Variants in SCN1A observed in about 807,000 individuals in gnomAD.
SCN1A encodes the protein sodium channel protein type 1 subunit alpha.
A neutral mutation model predicts 193.7 loss-of-function variants in SCN1A; 13 were observed. The observed-to-expected ratio is 0.07, with a 90% CI of 0.04 to 0.11. SCN1A has a LOEUF of 0.11. Among genes scored for constraint, SCN1A ranks in the 10% least tolerant of loss-of-function variants. The pLI, the probability that SCN1A is intolerant of heterozygous loss-of-function variation, is 1.00. For synonymous variants in SCN1A, 781 were observed against 843.6 expected (o/e 0.93, Z 1.29); for missense variants, 1,432 against 2,451.1 (o/e 0.58, Z 8.78).
intron 19 of SCN1A, among the ~76,000 whole-genome samples, chr2:166,028,223 G>T (rs537705786): frequency 2.2e-4 from 33 of 152,140 alleles, no homozygotes; most frequent in Middle Eastern, 6.8e-3. Flanking sequence ...GACATATTGA[G>T]TCAATAGAAA....
chr2:166,024,022 C>A (rs185398148), intron 19 of SCN1A, among the ~76,000 whole-genome samples: 369 of 152,200 alleles, frequency 2.4e-3, no homozygotes, highest in Non-Finnish European at 2.9e-3. Flanking sequence ...GGTGATCCAC[C>A]TACCTCAGCC....
intron 9 of SCN1A, among the ~76,000 whole-genome samples, chr2:166,050,123 TAAAC>T (rs1698358340): frequency 1.3e-5 from 2 of 151,942 alleles, no homozygotes; most frequent in African/African-American, 4.8e-5. Context: ...CAATTAAAAT[TAAAC>T]AAAGAGAAAG....
rs536739159 is a variant in SCN1A at position 166,010,800 on chromosome 2, G to C, written c.3880-959C>G. Among the ~76,000 whole-genome samples the C allele has an allele frequency of 4.0e-5, 6 of 150,792 alleles. No homozygotes were observed. The South Asian group carries it at 6.2e-4, about 16-fold the overall frequency. ...TAGTCCTTTTATAGAGTGCTATACT[G>C]ATCTTCATTAAAGAATTAAAACAGA... On this transcript the variant is annotated intron_variant, in intron 22 of 28. Coordinates refer to ENST00000674923, the MANE Select transcript of SCN1A (RefSeq NM_001165963.4).
At chr2:166,005,769 G>T (rs1047775741) in intron 23 of SCN1A, among the ~76,000 whole-genome samples, 2 of 151,262 alleles carry the variant, frequency 1.3e-5, no homozygotes, top group African/African-American at 4.8e-5. Flanking sequence ...TGGTTCTTAT[G>T]GGGGGAAGAA....
intron 3 of SCN1A, among the ~76,000 whole-genome samples, chr2:166,073,999 A>G (rs1684747256): frequency 1.3e-5 from 2 of 152,196 alleles, no homozygotes; most frequent in African/African-American, 4.8e-5. Context: ...CACCCAGAAG[A>G]TGGAGACTGT....
intron 2 of SCN1A, among the ~76,000 whole-genome samples, chr2:166,090,429 A>G (rs1050452515): frequency 1.4e-4 from 22 of 152,352 alleles, no homozygotes; most frequent in African/African-American, 5.3e-4. Context: ...TGTGAAAGTC[A>G]GAAACCTATA....
intron 2 of SCN1A, among the ~76,000 whole-genome samples, chr2:166,084,319 A>G (rs10497280): frequency 0.23 from 33,981 of 147,738 alleles, 3,926 homozygotes; most frequent in Middle Eastern, 0.42. Flanking sequence ...TAGACACTTC[A>G]AGTCCATTCT....
chr2:166,084,121 G>A (rs913127050), intron 2 of SCN1A, among the ~76,000 whole-genome samples: 1 of 151,798 alleles, frequency 6.6e-6, no homozygotes, highest in Non-Finnish European at 1.5e-5. Context: ...TGCACAAAGT[G>A]GATTACTCGA....
intron 3 of SCN1A, among the ~76,000 whole-genome samples, chr2:166,074,557 C>T (rs1201453808): frequency 6.6e-6 from 1 of 152,112 alleles, no homozygotes; most frequent in African/African-American, 2.4e-5. Context: ...AGGCCTGAGG[C>T]AAAACCGTCA....
intron 2 of SCN1A, among the ~76,000 whole-genome samples, chr2:166,097,008 G>A (rs977396349): frequency 3.3e-5 from 5 of 150,548 alleles, no homozygotes; most frequent in Non-Finnish European, 6.0e-5. Flanking sequence ...TTCTTTGTGT[G>A]TGTTTTTTTT....
chr2:166,065,063 C>A (rs1683694549), intron 4 of SCN1A, among the ~76,000 whole-genome samples: 1 of 152,110 alleles, frequency 6.6e-6, no homozygotes, highest in African/African-American at 2.4e-5. Flanking sequence ...ATTTCTAGAC[C>A]CACAGGTCTA....
chr2:166,118,302 C>CTTCT (rs1280285165), intron 2 of SCN1A, among the ~76,000 whole-genome samples: 4 of 81,072 alleles, frequency 4.9e-5, no homozygotes, highest in Admixed American at 3.8e-4. Context: ...TATTTAGTTT[C>CTTCT]TTTTTTTTTT....
intron 20 of SCN1A, 82 bp downstream of exon 20, chr2:166,015,525 A>G: frequency 6.5e-7 from 1 of 1,529,594 alleles, no homozygotes; most frequent in Non-Finnish European, 9.0e-7. Context: ...CCATTTTATT[A>G]TATGTGATTT....
chr2:166,028,805 A>G (rs940515904), intron 19 of SCN1A, among the ~76,000 whole-genome samples: 1 of 152,194 alleles, frequency 6.6e-6, no homozygotes, highest in Non-Finnish European at 1.5e-5. Context: ...AGTGAACATA[A>G]TAGACTTAGT....
chr2:166,088,534 G>A (rs989354615), intron 2 of SCN1A, among the ~76,000 whole-genome samples: 6 of 152,036 alleles, frequency 3.9e-5, no homozygotes, highest in Admixed American at 3.9e-4. Flanking sequence ...CTCAATAGCA[G>A]GTGGCAGCTG....
At chr2:166,109,294 A>G (rs922644412) in intron 2 of SCN1A, among the ~76,000 whole-genome samples, 2 of 152,220 alleles carry the variant, frequency 1.3e-5, no homozygotes, top group South Asian at 4.1e-4. Flanking sequence ...AGATAACAGT[A>G]CAGATAGATA....
intron 24 of SCN1A, among the ~76,000 whole-genome samples, chr2:166,002,008 AT>A (rs1690938834): frequency 6.8e-6 from 1 of 147,994 alleles, no homozygotes; most frequent in South Asian, 2.1e-4. Flanking sequence ...CCAAACTTTG[AT>A]CCAAATAATA....
chr2:166,024,065 C>T (rs28679836), intron 19 of SCN1A, among the ~76,000 whole-genome samples: 148 of 152,098 alleles, frequency 9.7e-4, no homozygotes, highest in Admixed American at 8.4e-3. Context: ...TGTGAGACAC[C>T]GCGCCTGGCC....
upstream of SCN1A, among the ~76,000 whole-genome samples, chr2:166,130,987 C>T (rs1383848162): frequency 6.6e-6 from 1 of 152,108 alleles, no homozygotes; most frequent in African/African-American, 2.4e-5. Flanking sequence ...CCCATTTGAC[C>T]TTGTTCTAAG....
Sources: allele counts gnomAD v4.1 joint callset (sites outside exome capture counted in the v4.1 genomes callset), GRCh38; gene constraint gnomAD v4.1.1; transcripts MANE v1.5; gene names NCBI Gene and HGNC (gene_info 2026-07-23, HGNC 2026-07-21).